The following GIMAP6 variants were observed in gnomAD, a reference collection of about 807,000 sequenced individuals.
The protein encoded by GIMAP6 is GTPase, IMAP family member 6.
Under a neutral mutation model 9.3 loss-of-function variants are expected in GIMAP6, and 6 were observed. That is an observed-to-expected ratio of 0.65 (90% CI 0.35 to 1.27). The LOEUF is 1.27. Ranked by LOEUF, GIMAP6 falls within the 50% of genes most tolerant of loss-of-function variation. The pLI, the probability that GIMAP6 is intolerant of heterozygous loss-of-function variation, is 0.03. For missense variants in GIMAP6, 333 were observed against 359.5 expected (o/e 0.93, Z 0.60); for synonymous variants, 156 against 151.1 (o/e 1.03, Z -0.24).
chr7:150,628,654 G>T, intron 2 of GIMAP6, 142 bp from the exon 3 acceptor site: 1 of 1,584,258 alleles, frequency 6.3e-7, no homozygotes, highest in Non-Finnish European at 8.5e-7. Context: ...AACCAGCGCT[G>T]GGCCACCATT....
At chr7:150,628,720 A>C in intron 2 of GIMAP6, 1 of 1,486,714 alleles carries the variant, frequency 6.7e-7, no homozygotes, top group Non-Finnish European at 8.9e-7. Context: ...GCAAGAGCAG[A>C]GCCTAGAAAG....
At position 150,628,108 on chromosome 7, in the gene GIMAP6, G is replaced by A. The variant is rs1044027422; in HGVS notation, c.490C>T (p.Arg164Trp). The change falls in exon 3 of 3, where the codon CGG becomes TGG. Residue 164 changes from arginine to tryptophan, a missense_variant. Transcript: ENST00000328902. ...GAGCCGCCAGCCAGGTCTTCCTTCC[G>A]GGTGAACACCAGGATGGTGTGACCC... ...VLGHTILVFT[R>W]KEDLAGGSLE... 12 of 1,614,164 alleles carry A rather than the reference G, an allele frequency of 7.4e-6. No homozygotes were observed. The highest frequency in any genetic ancestry group is 3.3e-4 in the Middle Eastern group (2 of 6,062).
chr7:150,628,563 C>G, intron 2 of GIMAP6, 51 bp from the exon 3 acceptor site: 1 of 1,603,264 alleles, frequency 6.2e-7, no homozygotes, highest in African/African-American at 1.3e-5. Context: ...GCCCATGTAC[C>G]CCATCTTGTC....
At chr7:150,628,611 G>C (rs894249662) in intron 2 of GIMAP6, 99 bp from the exon 3 acceptor site, 2 of 1,592,442 alleles carry the variant, frequency 1.3e-6, no homozygotes, top group Non-Finnish European at 8.5e-7. Flanking sequence ...CAGACTGCAG[G>C]GGCAGATTGT....
intron 2 of GIMAP6, chr7:150,628,925 T>C: frequency 2.1e-6 from 1 of 483,192 alleles, no homozygotes; most frequent in Non-Finnish European, 3.6e-6. Context: ...GTATCTCAGA[T>C]GACAAAGCAT....
intron 1 of GIMAP6, among the ~76,000 whole-genome samples, chr7:150,630,486 G>A (rs183791885): frequency 9.8e-5 from 15 of 152,302 alleles, no homozygotes; most frequent in Admixed American, 3.3e-4. Context: ...GAGGTGGGGG[G>A]AGGTGGAGGA....
At position 150,628,296 on chromosome 7, in the gene GIMAP6, G is replaced by T. The variant is rs746468152; in HGVS notation, c.302C>A (p.Ser101Tyr). The T allele has an allele frequency of 1.7e-5, 27 of 1,614,158 alleles. No individual in the cohort carries two copies. The East Asian group carries it at 2.0e-4, about 12-fold the overall frequency. The change falls in exon 3 of 3, where the codon TCC becomes TAC. Residue 101 changes from serine to tyrosine, a missense_variant. Coordinates refer to ENST00000328902, the MANE Select transcript of GIMAP6 (RefSeq NM_024711.6). ...LEVIDTPNIL[S>Y]PQVSPEVADA... is the part of the protein sequence containing the mutation. Reference sequence around the variant, plus strand: ...TGCCACCTCTGGCGAGACCTGGGGGGACAGAATGTTGGGTGTGTCAATCAC... The same window carrying T: ...TGCCACCTCTGGCGAGACCTGGGGGTACAGAATGTTGGGTGTGTCAATCAC...
In GIMAP6 at chr7:150,628,365, G is replaced by A; in HGVS notation, c.233C>T (p.Thr78Ile). 1 of 1,614,102 alleles carries A rather than the reference G, an allele frequency of 6.2e-7. No homozygotes were observed. Among genetic ancestry groups the A allele is most frequent in the South Asian group, 1.1e-5 (1 of 91,072 alleles). The change falls in exon 3 of 3, where the codon ACC becomes ATC. Residue 78 changes from threonine to isoleucine, a missense_variant. Coordinates refer to ENST00000328902, the MANE Select transcript of GIMAP6 (RefSeq NM_024711.6). ...CCACTCTCGGCTCCGTCTCTGGGAGGTCTTGGTCACGGGTCTGGTGCTGAG... is the reference window on the plus strand; with the variant it reads ...CCACTCTCGGCTCCGTCTCTGGGAGATCTTGGTCACGGGTCTGGTGCTGAG... ...SKLSTRPVTK[T>I]SQRRSREWAG...
chr7:150,629,745 T>G (rs181360643), intron 2 of GIMAP6, among the ~76,000 whole-genome samples: 8 of 152,328 alleles, frequency 5.3e-5, no homozygotes, highest in Non-Finnish European at 8.8e-5. Context: ...ACACGCACTG[T>G]CAGCACATCC....
rs1284038440 is a variant in GIMAP6 at position 150,630,151 on chromosome 7, A to G, written c.1-9T>C. 25 of 1,364,354 alleles carry G rather than the reference A, an allele frequency of 1.8e-5. No homozygotes were observed. The African/African-American group carries it at 3.8e-4, about 21-fold the overall frequency. The allele number at this position is 1,364,354 out of a possible 1,614,324, so 84.5% of individuals were successfully genotyped here. ...TATTCTTCTTCCTCCATCTACAAAA[A>G]AAAAAAAAAAAAAAAAATCATATGT... On this transcript the variant is annotated splice_polypyrimidine_tract_variant and intron_variant, in intron 1 of 2. Coordinates refer to ENST00000328902, the MANE Select transcript of GIMAP6 (RefSeq NM_024711.6).
At chr7:150,630,713 G>A (rs1796377437) in intron 1 of GIMAP6, among the ~76,000 whole-genome samples, 3 of 152,338 alleles carry the variant, frequency 2.0e-5, no homozygotes, top group South Asian at 4.1e-4. Context: ...GCTGAGCTGG[G>A]AAGGAAGCCA....
In GIMAP6 at chr7:150,627,994, T is replaced by C. The variant is rs777134307; in HGVS notation, c.604A>G (p.Arg202Gly). Residue 202 changes from arginine to glycine, a missense_variant, in exon 3 of 3, where the codon AGG becomes GGG. By Grantham distance (125) the Arg-to-Gly change is moderately radical. Transcript: ENST00000328902. ...GCCTCCTGCTCCTCCCCCTGTGCCC[T>C]GTTGTTGAAGCCGCAATGGCGCCGT... ...LARRHCGFNN[R>G]AQGEEQEAQL... 29 of 1,614,140 alleles carry C rather than the reference T, an allele frequency of 1.8e-5. No individual in the cohort carries two copies. The African/African-American group carries it at 2.8e-4, about 16-fold the overall frequency.
At chr7:150,630,262 G>T in intron 1 of GIMAP6, 120 bp from the exon 2 acceptor site, 2 of 684,664 alleles carry the variant, frequency 2.9e-6, no homozygotes, top group Non-Finnish European at 4.7e-6. Flanking sequence ...TTAGTTTAGG[G>T]TTGGGGTGGG....
rs1282635877 is a variant in GIMAP6 at position 150,628,299 on chromosome 7, A to T, written c.299T>A (p.Leu100Gln). The T allele has an allele frequency of 1.2e-6, 2 of 1,614,188 alleles. No individual in the cohort carries two copies. The highest frequency in any genetic ancestry group is 4.5e-5 in the East Asian group (2 of 44,878). ...CACCTCTGGCGAGACCTGGGGGGAC[A>T]GAATGTTGGGTGTGTCAATCACCTC... ...ELEVIDTPNI[L>Q]SPQVSPEVAD... Residue 100 changes from leucine to glutamine, a missense_variant, in exon 3 of 3, where the codon CTG (leucine) becomes CAG (glutamine). Coordinates refer to ENST00000328902, the MANE Select transcript of GIMAP6 (RefSeq NM_024711.6).
intron 1 of GIMAP6, among the ~76,000 whole-genome samples, chr7:150,631,374 C>T (rs1056112113): frequency 2.0e-5 from 3 of 152,224 alleles, no homozygotes; most frequent in African/African-American, 7.2e-5. Flanking sequence ...CAGCCTTACT[C>T]AGACCTGAAC....
Position 150,625,516 on chromosome 7 carries a change from A to G in GIMAP6, c.*2203T>C, listed in dbSNP as rs1425462134. The G allele has an allele frequency of 3.3e-5, 5 of 152,256 alleles. No homozygotes were observed. The highest frequency in any genetic ancestry group is 6.5e-5 in the Admixed American group (1 of 15,282). 9.4% of individuals were successfully genotyped at this position (152,256 alleles called of 1,614,324 possible). A position where few individuals can be genotyped will look rare whatever the true frequency, so the allele number is the denominator to read the frequency against. The stretch of plus-strand genomic sequence containing the variant: ...AAGCTAATAGAGTTAAAATAATAGC[A>G]TCAAAATTTACAAAATTATCTCCTA... On this transcript the variant is annotated 3_prime_UTR_variant, in exon 3 of 3. Transcript: ENST00000328902.
rs560730769 is a variant in GIMAP6, at chr7:150,628,216, G to T, written c.382C>A (p.Leu128Met). ...GTGAACCGGCCCAGTTGTGTCACCAGGAGCACGGCGTGGGGCCCTGGGGCG... is the reference window on the plus strand; with the variant it reads ...GTGAACCGGCCCAGTTGTGTCACCATGAGCACGGCGTGGGGCCCTGGGGCG... ...LSAPGPHAVL[L>M]VTQLGRFTDE... Residue 128 changes from leucine (L) to methionine (M), a missense_variant, in exon 3 of 3, where the codon CTG becomes ATG. Coordinates refer to ENST00000328902, the MANE Select transcript of GIMAP6 (RefSeq NM_024711.6). The T allele has an allele frequency of 1.2e-6, 2 of 1,614,202 alleles. No individual in the cohort carries two copies. The highest frequency in any genetic ancestry group is 2.2e-5 in the South Asian group (2 of 91,086).
rs139277843 is a variant in GIMAP6 at position 150,628,058 on chromosome 7, G to T, written c.540C>A (p.Thr180=). The T allele has an allele frequency of 6.2e-7, 1 of 1,614,182 alleles. No homozygotes were observed. The change falls in exon 3 of 3, where the codon ACC becomes ACA. Residue 180 remains threonine, a synonymous_variant. Coordinates refer to ENST00000328902, the MANE Select transcript of GIMAP6 (RefSeq NM_024711.6). ...GGSLEDYVRE[T]NNQALAWLDV... ...CCAGCCAGGCAAGGGCCTGGTTGTT[G>T]GTCTCTCGCACATAGTCTTCCAGGG...
rs368150489 is a variant in GIMAP6 at position 150,627,678 on chromosome 7, G to A, written c.*41C>T. The A allele has an allele frequency of 7.6e-5, 122 of 1,611,088 alleles. No individual in the cohort carries two copies. The highest frequency in any genetic ancestry group is 1.0e-4 in the Non-Finnish European group (118 of 1,178,098). On this transcript the variant is annotated 3_prime_UTR_variant, in exon 3 of 3. Transcript: ENST00000328902. ...AACAGAGGGCTGGACACAGGGGGGT[G>A]CAAAGGCTGATGGTGTCCTTGGCTC... is the stretch of plus-strand genomic sequence containing the variant.
Sources: gnomAD v4.1 joint callset for allele counts (sites outside exome capture counted in the v4.1 genomes callset) on GRCh38, gnomAD v4.1.1 for gene constraint, MANE v1.5 for transcripts, NCBI Gene and HGNC (gene_info 2026-07-23, HGNC 2026-07-21) for gene names.